The following TNN variants were observed in gnomAD, a reference collection of about 807,000 sequenced individuals.
The protein encoded by TNN is tenascin-N.
In TNN, 122 loss-of-function variants were observed where a neutral mutation model predicts 134.4. The observed-to-expected ratio is 0.91, with a 90% CI of 0.78 to 1.06. The LOEUF (loss-of-function observed/expected upper bound fraction) is 1.06. Ranked by LOEUF, TNN falls within the 50% of genes least tolerant of loss-of-function variation. The pLI is 0.00. For synonymous variants in TNN, 710 were observed against 670.3 expected (o/e 1.06, Z -0.91); for missense variants, 1,739 against 1,699.4 (o/e 1.02, Z -0.41).
At chr1:175,125,571 C>T (rs1354203134) in intron 12 of TNN, among the ~76,000 whole-genome samples, 1 of 146,952 alleles carries the variant, frequency 6.8e-6, no homozygotes, top group African/African-American at 2.5e-5. Flanking sequence ...TCTTTTCCTT[C>T]CTTCTCTCTC....
intron 15 of TNN, among the ~76,000 whole-genome samples, chr1:175,134,402 G>T (rs761131836): frequency 3.3e-5 from 5 of 151,868 alleles, no homozygotes; most frequent in Middle Eastern, 3.2e-3. Context: ...AAAATTAGCC[G>T]GGCATGGTGG....
chr1:175,089,317 G>T (rs868718791), intron 6 of TNN, among the ~76,000 whole-genome samples: 5 of 152,194 alleles, frequency 3.3e-5, no homozygotes, highest in African/African-American at 1.2e-4. Flanking sequence ...GAGGCACCCA[G>T]TGTAACTAAC....
At position 175,098,375 on chromosome 1, in the gene TNN, G is replaced by A; in HGVS notation, c.1899G>A (p.Glu633=). 6.2e-7 allele frequency: 1 copy of A among 1,614,228 alleles called. No individual in the cohort carries two copies. Residue 633 remains glutamate, a synonymous_variant, in exon 9 of 19, where the codon GAG becomes GAA. Coordinates refer to ENST00000239462, the MANE Select transcript of TNN (RefSeq NM_022093.2). ...ACCTGGTGACTGACCGGGTGACAGA[G>A]AATATGGCCACGGTCTCCTGGGACC... ...PKNLVTDRVT[E]NMATVSWDPV...
chr1:175,094,286 C>G (rs1351866209), intron 7 of TNN, 33 bp downstream of exon 7: 1 of 1,503,706 alleles, frequency 6.7e-7, no homozygotes, highest in Non-Finnish European at 8.9e-7. Context: ...AATAGGTTTC[C>G]TCATGGCAGG....
At chr1:175,125,317 A>G (rs1183531005) in intron 12 of TNN, among the ~76,000 whole-genome samples, 1 of 152,112 alleles carries the variant, frequency 6.6e-6, no homozygotes, top group Non-Finnish European at 1.5e-5. Context: ...ACCTTCTATG[A>G]TAATGCTTTT....
chr1:175,101,535 C>T (rs977254302), intron 9 of TNN, among the ~76,000 whole-genome samples: 1 of 149,542 alleles, frequency 6.7e-6, no homozygotes, highest in Non-Finnish European at 1.5e-5. Context: ...TCTTTTCTGG[C>T]CCCACCCACA....
intron 14 of TNN, 127 bp downstream of exon 14, chr1:175,128,291 A>G (rs1300982228): frequency 2.1e-6 from 2 of 953,710 alleles, no homozygotes; most frequent in African/African-American, 3.3e-5. Context: ...GGGGAAGTGG[A>G]AATGGGGTTG....
rs373915100 is a variant in TNN at position 175,144,365 on chromosome 1, C to G, written c.3596-22C>G. 4 of 1,610,722 alleles carry G rather than the reference C, an allele frequency of 2.5e-6. No homozygotes were observed. The African/African-American group carries it at 4.0e-5, about 16-fold the overall frequency. On this transcript the variant is annotated intron_variant, in intron 17 of 18. Transcript: ENST00000239462. ...TCGGTGGCTAACCCTGGGCTCTCGC[C>G]TCCGTCTCTTCTCTCCTGCAGGGGA...
chr1:175,146,857 C>G, intron 18 of TNN, 74 bp from the exon 19 acceptor site: 1 of 1,365,304 alleles, frequency 7.3e-7, no homozygotes, highest in Non-Finnish European at 9.8e-7. Flanking sequence ...TAATTAATTC[C>G]TTTGTACCAT....
In TNN at chr1:175,093,829, C is replaced by T. The variant is rs375876862; in HGVS notation, c.1325-161C>T. Among the ~76,000 whole-genome samples, 39 of 152,282 alleles carry T rather than the reference C, an allele frequency of 2.6e-4. No individual in the cohort carries two copies. The East Asian group carries it at 3.5e-3, about 14-fold the overall frequency. On this transcript the variant is annotated intron_variant, in intron 6 of 18. Coordinates refer to ENST00000239462, the MANE Select transcript of TNN (RefSeq NM_022093.2). ...GTCCTTTCTTAGTTTAGGGTTCAAG[C>T]AGAAGCCAGTTGTCCACTTGTCACT...
chr1:175,102,759 G>C (rs1043353632), intron 9 of TNN, among the ~76,000 whole-genome samples: 3 of 146,250 alleles, frequency 2.1e-5, no homozygotes, highest in Non-Finnish European at 3.0e-5. Context: ...ACAGTGTAGT[G>C]GTGGACTGAA....
Position 175,077,470 on chromosome 1 carries a change from G to A in TNN, c.52G>A (p.Val18Met), listed in dbSNP as rs1192911796. 3 of 1,613,796 alleles carry A rather than the reference G, an allele frequency of 1.9e-6. No homozygotes were observed. Among genetic ancestry groups the A allele is most frequent in the Non-Finnish European group, 2.5e-6 (3 of 1,180,040 alleles). Residue 18 changes from valine (V) to methionine (M), a missense_variant, in exon 2 of 19, where the codon GTG (valine) becomes ATG (methionine). Coordinates refer to ENST00000239462, the MANE Select transcript of TNN (RefSeq NM_022093.2). Reference sequence around the variant, plus strand: ...CCCTATGGGGCTCCTGCTTGGCTCTGTGCTCCTGGTGGCTTCGGCCCCAGC... The same window carrying A: ...CCCTATGGGGCTCCTGCTTGGCTCTATGCTCCTGGTGGCTTCGGCCCCAGC... ...RFPMGLLLGS[V>M]LLVASAPATL... is the part of the protein sequence containing the mutation.
intron 12 of TNN, among the ~76,000 whole-genome samples, chr1:175,125,676 T>A (rs1342005196): frequency 9.0e-5 from 10 of 110,862 alleles, no homozygotes; most frequent in Non-Finnish European, 1.9e-4. Context: ...TCTCCCTCCC[T>A]CCCTCCTTTC....
In TNN at chr1:175,085,478, C is replaced by T. The variant is rs185135418; in HGVS notation, c.1308C>T (p.Leu436=). 3.7e-5 allele frequency: 60 copies of T among 1,611,792 alleles called. No homozygotes were observed. The Admixed American group carries it at 4.2e-4, about 11-fold the overall frequency. The change falls in exon 6 of 19, where the codon CTC becomes CTT. Residue 436 remains leucine (L), a synonymous_variant. Coordinates refer to ENST00000239462, the MANE Select transcript of TNN (RefSeq NM_022093.2). ...MRGELEGKPI[L]LNGRTEIDSP... ...GAGAGCTGGAGGGCAAGCCGATCCT[C>T]CTGAATGGCAGGACAGGTGAGAGCT...
At chr1:175,074,038 C>T (rs1015815600) in intron 1 of TNN, among the ~76,000 whole-genome samples, 27 of 152,144 alleles carry the variant, frequency 1.8e-4, no homozygotes, top group Admixed American at 1.6e-3. Flanking sequence ...CCCCCTTCCT[C>T]TCTCTGCCAT....
At chr1:175,081,986 C>T (rs972007498) in intron 4 of TNN, among the ~76,000 whole-genome samples, 3 of 152,112 alleles carry the variant, frequency 2.0e-5, no homozygotes, top group African/African-American at 7.2e-5. Flanking sequence ...ATGTTTTTGT[C>T]TGTGTTCAGA....
intron 9 of TNN, among the ~76,000 whole-genome samples, chr1:175,107,234 T>A (rs1237871170): frequency 2.1e-5 from 3 of 142,002 alleles, no homozygotes; most frequent in African/African-American, 7.6e-5. Flanking sequence ...CAGATGTGTT[T>A]GGAGTTTCTT....
rs147229932 is a variant in TNN at position 175,093,991 on chromosome 1, A to C, written c.1326A>C (p.Glu442Asp). The C allele has an allele frequency of 3.4e-5, 54 of 1,588,784 alleles. No individual in the cohort carries two copies. In the African/African-American group the frequency reaches 5.4e-4, roughly 16 times the overall value. Residue 442 changes from glutamate (E) to aspartate (D), a missense_variant and splice_region_variant, in exon 7 of 19, where the codon GAA becomes GAC. Transcript: ENST00000239462. Reference sequence around the variant, plus strand: ...TCTTTCTCATGTGTTTTTATGAAGAAATTGACAGTCCAACCAATGTTGTCA... The same window carrying C: ...TCTTTCTCATGTGTTTTTATGAAGACATTGACAGTCCAACCAATGTTGTCA... The part of the protein sequence containing the change: ...GKPILLNGRT[E>D]IDSPTNVVTD...
intron 17 of TNN, among the ~76,000 whole-genome samples, chr1:175,143,160 C>T (rs533227796): frequency 8.5e-5 from 13 of 152,318 alleles, no homozygotes; most frequent in African/African-American, 3.1e-4. Context: ...TAGAGTCTAA[C>T]CTTTTTGAAT....
Sources: gnomAD v4.1 joint callset for allele counts (sites outside exome capture counted in the v4.1 genomes callset) on GRCh38, gnomAD v4.1.1 for gene constraint, MANE v1.5 for transcripts, NCBI Gene and HGNC (gene_info 2026-07-23, HGNC 2026-07-21) for gene names.